Variants in PIEZO1 observed in about 807,000 individuals in gnomAD.
PIEZO1 encodes the protein piezo type mechanosensitive ion channel component 1 (Er blood group), also known as piezo-type mechanosensitive ion channel component 1.
In PIEZO1, 296 loss-of-function variants were observed where a neutral mutation model predicts 297.2. The ratio of observed to expected loss-of-function variants is 1.00; its 90% CI spans 0.91 to 1.10. PIEZO1 has a LOEUF of 1.10. Among genes scored for constraint, PIEZO1 ranks in the 50% least tolerant of loss-of-function variants. The pLI is 0.00. For missense variants in PIEZO1, 5,018 were observed against 3,455.5 expected, an observed-to-expected ratio of 1.45 and a Z score of -11.34; for synonymous variants, 2,427 against 1,507.5, an observed-to-expected ratio of 1.61 and a Z score of -14.13.
At chr16:88,742,278 C>G (rs1476747944) in intron 3 of PIEZO1, 22 bp downstream of exon 3, 4 of 1,526,298 alleles carry the variant, frequency 2.6e-6, no homozygotes, top group Non-Finnish European at 3.5e-6. Flanking sequence ...GCTATCCCTA[C>G]CCCGCCCCCT....
chr16:88,754,287 G>T (rs1178584529), intron 1 of PIEZO1, among the ~76,000 whole-genome samples: 1 of 152,194 alleles, frequency 6.6e-6, no homozygotes, highest in East Asian at 1.9e-4. Context: ...TCTGCTTTCA[G>T]TGGGTGCTGG....
At position 88,716,616 on chromosome 16, in the gene PIEZO1, C is replaced by T. The variant is rs1293363041; in HGVS notation, c.6869G>A (p.Arg2290Gln). Reference protein sequence around the residue: ...ISPPSRAQMKRELYNGTADIT... With the variant: ...ISPPSRAQMKQELYNGTADIT... ...GTCGGCCGTGCCGTTGTAGAGCTCCCGCTTCATCTGGGCACGGCTGGGGGG... is the reference window on the plus strand; with the variant it reads ...GTCGGCCGTGCCGTTGTAGAGCTCCTGCTTCATCTGGGCACGGCTGGGGGG... Residue 2290 changes from arginine (R) to glutamine (Q), a missense_variant, in exon 47 of 51, where the codon CGG (arginine) becomes CAG (glutamine). Transcript: ENST00000301015. 10 of 1,549,884 alleles carry T rather than the reference C, an allele frequency of 6.5e-6. No homozygotes were observed. The highest frequency in any genetic ancestry group is 1.4e-5 in the African/African-American group (1 of 73,066).
At position 88,716,349 on chromosome 16, in the gene PIEZO1, C is replaced by T. The variant is rs1274919920; in HGVS notation, c.7049+12G>A. On this transcript the variant is annotated intron_variant, in intron 48 of 50. Coordinates refer to ENST00000301015, the MANE Select transcript of PIEZO1 (RefSeq NM_001142864.4). The stretch of plus-strand genomic sequence containing the variant: ...ACAGCCCTCCTGCCCACCACCCGGG[C>T]CCTTCACTCACACAGACTGGTCCGA... 2.6e-6 allele frequency: 4 copies of T among 1,522,572 alleles called. No homozygotes were observed. In the African/African-American group the frequency reaches 4.1e-5, roughly 16 times the overall value. The allele number at this position is 1,522,572 out of a possible 1,614,324, so 94.3% of individuals were successfully genotyped here.
chr16:88,773,001 T>C (rs933944477), intron 1 of PIEZO1, among the ~76,000 whole-genome samples: 2 of 152,200 alleles, frequency 1.3e-5, no homozygotes, highest in Admixed American at 6.5e-5. Flanking sequence ...CCTGGAAGAC[T>C]GTGTCAGCCT....
intron 2 of PIEZO1, 80 bp from the exon 3 acceptor site, chr16:88,742,502 C>T: frequency 6.9e-7 from 1 of 1,444,606 alleles, no homozygotes. Flanking sequence ...GGACAATAGC[C>T]CCCAGCCCGG....
At chr16:88,726,110 G>A (rs1387490849) in intron 27 of PIEZO1, 174 bp downstream of exon 27, 2 of 614,594 alleles carry the variant, frequency 3.3e-6, no homozygotes, top group East Asian at 5.5e-5. Context: ...GGGGCAGAGT[G>A]TGATGGTGCC....
intron 1 of PIEZO1, among the ~76,000 whole-genome samples, chr16:88,765,238 A>G (rs1045340767): frequency 2.6e-4 from 39 of 152,198 alleles, no homozygotes; most frequent in Non-Finnish European, 5.4e-4. Context: ...CCTCGCAGGC[A>G]GGAGGGGAGT....
chr16:88,717,745 T>A (rs559424665), intron 44 of PIEZO1: 93 of 445,474 alleles, frequency 2.1e-4, no homozygotes, highest in South Asian at 1.5e-3. Flanking sequence ...TTTTAATTGA[T>A]AAGGTTCTAG....
chr16:88,723,964 G>C lies in PIEZO1; in HGVS notation c.4242C>G (p.His1414Gln). 2 of 1,539,126 alleles carry C rather than the reference G, an allele frequency of 1.3e-6. No homozygotes were observed. Among genetic ancestry groups the C allele is most frequent in the Non-Finnish European group, 1.8e-6 (2 of 1,136,656 alleles). The change falls in exon 31 of 51, where the codon CAC (histidine) becomes CAG (glutamine). Residue 1414 changes from histidine to glutamine, a missense_variant. Transcript: ENST00000301015. ...RPWLDHATVI[H>Q]SGDYFLFESD... ...ACTCAAACAGGAAGTAGTCCCCGGA[G>C]TGGATGACTGTGGGCAGGCAGCACT... is the stretch of plus-strand genomic sequence containing the variant.
intron 1 of PIEZO1, among the ~76,000 whole-genome samples, chr16:88,777,593 G>A (rs890413858): frequency 2.6e-5 from 4 of 152,274 alleles, no homozygotes; most frequent in Non-Finnish European, 4.4e-5. Context: ...TGGGATGGAC[G>A]ATGGCTTCCC....
rs1403374174 is a variant in PIEZO1 at position 88,719,589 on chromosome 16, G to A, written c.6456C>T (p.Ser2152=). 1 of 1,550,936 alleles carries A rather than the reference G, an allele frequency of 6.4e-7. No individual in the cohort carries two copies. The highest frequency in any genetic ancestry group is 8.7e-7 in the Non-Finnish European group (1 of 1,147,122). Residue 2152 remains serine (S), a synonymous_variant, in exon 44 of 51, where the codon AGC becomes AGT. Coordinates refer to ENST00000301015, the MANE Select transcript of PIEZO1 (RefSeq NM_001142864.4). ...GCCCAGGCACCTTCTCTGTCTCTCG[G>A]CTGCATTTGATGATGAAGATGTTGG... is the stretch of plus-strand genomic sequence containing the variant. ...IYANIFIIKC[S]RETEKKYPQP... is the part of the protein sequence containing the mutation.
chr16:88,739,016 G>A (rs564722552), intron 5 of PIEZO1: 59 of 528,108 alleles, frequency 1.1e-4, no homozygotes, highest in Middle Eastern at 1.0e-3. Context: ...GCCCAGGCAC[G>A]TGATGACCTT....
At position 88,734,978 on chromosome 16, in the gene PIEZO1, T is replaced by A. The variant is rs905149830; in HGVS notation, c.1745A>T (p.Tyr582Phe). ...CACGATGAACATGCCAGCACACACA[T>A]AGATCCAGTACTTGGCGTACACGCC... is the stretch of plus-strand genomic sequence containing the variant. ...VKGVYAKYWI[Y>F]VCAGMFIVVS... The change falls in exon 14 of 51, where the codon TAT (tyrosine) becomes TTT (phenylalanine). Residue 582 changes from tyrosine to phenylalanine, a missense_variant. Transcript: ENST00000301015. 8 of 1,550,364 alleles carry A rather than the reference T, an allele frequency of 5.2e-6. No individual in the cohort carries two copies. Among genetic ancestry groups the A allele is most frequent in the Admixed American group, 2.0e-5 (1 of 50,990 alleles).
intron 1 of PIEZO1, among the ~76,000 whole-genome samples, chr16:88,750,607 C>T (rs1376030239): frequency 6.6e-6 from 1 of 152,218 alleles, no homozygotes; most frequent in Non-Finnish European, 1.5e-5. Context: ...GTCTCCCTGG[C>T]ACTTGCACTG....
intron 30 of PIEZO1, among the ~76,000 whole-genome samples, chr16:88,724,376 C>A (rs943551332): frequency 2.0e-5 from 3 of 151,984 alleles, no homozygotes; most frequent in East Asian, 3.9e-4. Flanking sequence ...ACTAAAAATA[C>A]GAAAATTAGC....
intron 1 of PIEZO1, among the ~76,000 whole-genome samples, chr16:88,771,059 C>T (rs901326162): frequency 1.8e-4 from 28 of 151,664 alleles, no homozygotes; most frequent in Non-Finnish European, 3.5e-4. Flanking sequence ...AAGGTCCTTC[C>T]GCCCCTGTCA....
chr16:88,780,405 G>A (rs1025830302), intron 1 of PIEZO1, among the ~76,000 whole-genome samples: 2 of 152,130 alleles, frequency 1.3e-5, no homozygotes, highest in South Asian at 2.1e-4. Context: ...GGAAGGGGGG[G>A]TCCCACCTCA....
chr16:88,761,605 T>C (rs1906936075), intron 1 of PIEZO1, among the ~76,000 whole-genome samples: 4 of 152,206 alleles, frequency 2.6e-5, no homozygotes, highest in South Asian at 4.1e-4. Context: ...CCCATCTTCA[T>C]GGTACTTGGG....
chr16:88,730,615 A>G lies in PIEZO1; in HGVS notation c.3196+1091T>C, dbSNP rs893421227. Among the ~76,000 whole-genome samples, 8 of 145,052 alleles carry G rather than the reference A, an allele frequency of 5.5e-5. No homozygotes were observed. In the Admixed American group the frequency reaches 5.6e-4, roughly 10 times the overall value. ...TCCATCTCAAAAAAAAAAAAAAAAA[A>G]AAAAAGGGTTCTTGCTATGTTGACC... On this transcript the variant is annotated intron_variant, in intron 22 of 50. Coordinates refer to ENST00000301015, the MANE Select transcript of PIEZO1 (RefSeq NM_001142864.4).
Sources: allele counts gnomAD v4.1 joint callset (sites outside exome capture counted in the v4.1 genomes callset), GRCh38; gene constraint gnomAD v4.1.1; transcripts MANE v1.5; gene names NCBI Gene and HGNC (gene_info 2026-07-23, HGNC 2026-07-21).